NCAM2: variants seen among roughly 807,000 people sequenced by gnomAD.
NCAM2 encodes the protein N-CAM-2.
NCAM2 carries 30 observed loss-of-function variants against 98.1 expected under a neutral mutation model. That is an observed-to-expected ratio of 0.31 (90% CI 0.23 to 0.41). The LOEUF is 0.41. Among genes scored for constraint, NCAM2 ranks in the 10% least tolerant of loss-of-function variants. NCAM2 has a pLI of 1.00. For synonymous variants in NCAM2, 368 were observed against 342.4 expected (o/e 1.07, Z -0.83); for missense variants, 867 against 1,005.8 (o/e 0.86, Z 1.87).
intron 1 of NCAM2, among the ~76,000 whole-genome samples, chr21:21,190,638 A>G (rs956164322): frequency 2.0e-5 from 3 of 152,194 alleles, no homozygotes; most frequent in African/African-American, 7.2e-5. Flanking sequence ...AATTCAGTTC[A>G]TGTATATATT....
chr21:21,293,193 A>T (rs2073356693), intron 5 of NCAM2, among the ~76,000 whole-genome samples: 1 of 151,880 alleles, frequency 6.6e-6, no homozygotes, highest in Non-Finnish European at 1.5e-5. Context: ...TGGCAGTCTA[A>T]TCTGTTATGA....
chr21:21,113,497 A>G (rs1300700493), intron 1 of NCAM2, among the ~76,000 whole-genome samples: 2 of 152,154 alleles, frequency 1.3e-5, no homozygotes, highest in African/African-American at 2.4e-5. Context: ...GGAAGAAGTA[A>G]GTGTGGATTA....
At chr21:21,290,355 C>A (rs773282737) in intron 4 of NCAM2, among the ~76,000 whole-genome samples, 9 of 151,818 alleles carry the variant, frequency 5.9e-5, no homozygotes, top group Non-Finnish European at 1.2e-4. Context: ...TCTGAACACA[C>A]ACTTTAAGAG....
At chr21:21,422,240 T>A (rs2077125651) in intron 11 of NCAM2, among the ~76,000 whole-genome samples, 1 of 152,128 alleles carries the variant, frequency 6.6e-6, no homozygotes, top group Non-Finnish European at 1.5e-5. Context: ...ATGTTCTCAC[T>A]TGTAAGTGGG....
chr21:21,463,862 T>C (rs1602417133), intron 12 of NCAM2: 1 of 151,490 alleles, frequency 6.6e-6, no homozygotes, highest in East Asian at 1.9e-4. Flanking sequence ...TTGATTTTTT[T>C]TTGCTGGGGT....
intron 1 of NCAM2, among the ~76,000 whole-genome samples, chr21:21,277,541 G>T (rs2072774521): frequency 6.6e-6 from 1 of 152,060 alleles, no homozygotes; most frequent in South Asian, 2.1e-4. Flanking sequence ...AACAGTTTGG[G>T]CAAATGCACA....
chr21:21,331,896 G>A lies in NCAM2; in HGVS notation c.738-3609G>A, dbSNP rs987879299. On this transcript the variant is annotated intron_variant, in intron 6 of 17. Transcript: ENST00000400546. ...GCCACCACACCTGGCCGTATCCTGG[G>A]AATTTTTATTTATTTATTTATTTTG... is the stretch of plus-strand genomic sequence containing the variant. Among the ~76,000 whole-genome samples, 331 of 125,588 alleles carry A rather than the reference G, an allele frequency of 2.6e-3. 1 individual carries two copies. The highest frequency in any genetic ancestry group is 3.2e-3 in the Non-Finnish European group (180 of 55,574). The allele number at this position is 125,588 out of a possible 152,430, so 82.4% of individuals were successfully genotyped here. A position where few individuals can be genotyped will look rare whatever the true frequency, so the allele number is the denominator to read the frequency against.
intron 16 of NCAM2, among the ~76,000 whole-genome samples, chr21:21,520,432 G>A (rs1988951197): frequency 6.6e-6 from 1 of 152,156 alleles, no homozygotes; most frequent in African/African-American, 2.4e-5. Flanking sequence ...GTGGAAGATG[G>A]TTCTTCAGGC....
intron 9 of NCAM2, among the ~76,000 whole-genome samples, chr21:21,388,991 A>C (rs1325928537): frequency 6.6e-6 from 1 of 152,230 alleles, no homozygotes; most frequent in Non-Finnish European, 1.5e-5. Context: ...ATTCTAATGC[A>C]AGCAAAAGTG....
At chr21:21,450,793 T>TGTATGTATACACACACACAC (rs751489970) in intron 12 of NCAM2, among the ~76,000 whole-genome samples, 15 of 143,526 alleles carry the variant, frequency 1.0e-4, no homozygotes, top group South Asian at 7.1e-4. Flanking sequence ...TATGTATGTA[T>TGTATGTATACACACACACAC]ACACACACAC....
chr21:21,514,134 ATAAT>A (rs1196576964), intron 16 of NCAM2, among the ~76,000 whole-genome samples: 2 of 150,900 alleles, frequency 1.3e-5, no homozygotes, highest in South Asian at 4.2e-4. Flanking sequence ...TATATATGGT[ATAAT>A]TAAATTTATA....
intron 2 of NCAM2, among the ~76,000 whole-genome samples, chr21:21,282,180 A>G (rs956938226): frequency 1.3e-5 from 2 of 151,926 alleles, no homozygotes. Flanking sequence ...CTCATAAATT[A>G]GAACACACGA....
intron 8 of NCAM2, among the ~76,000 whole-genome samples, chr21:21,348,770 A>C (rs1007612215): frequency 6.6e-6 from 1 of 151,984 alleles, no homozygotes; most frequent in African/African-American, 2.4e-5. Flanking sequence ...AGAGAACCCA[A>C]AAACAAATCC....
chr21:21,056,566 A>C (rs554894531), intron 1 of NCAM2, among the ~76,000 whole-genome samples: 1 of 150,506 alleles, frequency 6.6e-6, no homozygotes, highest in Non-Finnish European at 1.5e-5. Context: ...AGAGAGTGAG[A>C]GAGAGAGATA....
chr21:21,011,815 G>A (rs913561619), intron 1 of NCAM2, among the ~76,000 whole-genome samples: 2 of 152,068 alleles, frequency 1.3e-5, no homozygotes, highest in African/African-American at 4.8e-5. Flanking sequence ...TTTAAAAAAA[G>A]GGGGCCAAAC....
chr21:21,026,173 G>A (rs1011992911), intron 1 of NCAM2, among the ~76,000 whole-genome samples: 5 of 152,192 alleles, frequency 3.3e-5, no homozygotes, highest in African/African-American at 1.2e-4. Flanking sequence ...GGAAGCAAGA[G>A]CCGGGCTCAG....
chr21:21,382,757 C>G (rs2076185812), intron 9 of NCAM2, among the ~76,000 whole-genome samples: 1 of 151,988 alleles, frequency 6.6e-6, no homozygotes. Flanking sequence ...GTCTCAGACT[C>G]CTGACCTCGT....
At chr21:21,165,651 C>T (rs2067927394) in intron 1 of NCAM2, among the ~76,000 whole-genome samples, 1 of 152,138 alleles carries the variant, frequency 6.6e-6, no homozygotes, top group Non-Finnish European at 1.5e-5. Flanking sequence ...ACCCATCTGG[C>T]CCTTGGCATA....
At chr21:21,062,398 A>G (rs994826949) in intron 1 of NCAM2, among the ~76,000 whole-genome samples, 1 of 152,198 alleles carries the variant, frequency 6.6e-6, no homozygotes, top group Non-Finnish European at 1.5e-5. Context: ...TAATACAATC[A>G]TGAAAGTGAT....
Sources: gnomAD v4.1 joint callset for allele counts (sites outside exome capture counted in the v4.1 genomes callset) on GRCh38, gnomAD v4.1.1 for gene constraint, MANE v1.5 for transcripts, NCBI Gene and HGNC (gene_info 2026-07-23, HGNC 2026-07-21) for gene names.